Variants in TBCD observed in about 807,000 individuals in gnomAD.
TBCD encodes the protein tubulin-specific chaperone D.
In TBCD, 105 loss-of-function variants were observed where a neutral mutation model predicts 169.3. The observed-to-expected ratio is 0.62, with a 90% CI of 0.53 to 0.73. TBCD has a LOEUF of 0.73. TBCD is among the 30% of genes least tolerant of loss of function. The pLI is 0.00. For missense variants in TBCD, 1,444 were observed against 1,600.1 expected, an observed-to-expected ratio of 0.90 and a Z score of 1.66; for synonymous variants, 700 against 643.9, an observed-to-expected ratio of 1.09 and a Z score of -1.32.
At chr17:82,865,723 A>G (rs1163512680) in intron 13 of TBCD, among the ~76,000 whole-genome samples, 1 of 152,242 alleles carries the variant, frequency 6.6e-6, no homozygotes, top group African/African-American at 2.4e-5. Context: ...GCGTAACTAT[A>G]TGATGATTTT....
At chr17:82,773,141 C>T (rs981565656) in intron 6 of TBCD, among the ~76,000 whole-genome samples, 10 of 152,158 alleles carry the variant, frequency 6.6e-5, no homozygotes, top group African/African-American at 2.4e-4. Flanking sequence ...ACATTTTCCC[C>T]CTCTGCAATA....
chr17:82,753,523 C>T (rs1216376605), intron 1 of TBCD, among the ~76,000 whole-genome samples: 1 of 139,908 alleles, frequency 7.1e-6, no homozygotes, highest in Non-Finnish European at 1.5e-5. Context: ...GTGGTGCGAT[C>T]TTGGCTCACT....
intron 1 of TBCD, among the ~76,000 whole-genome samples, chr17:82,752,875 C>G (rs2047189195): frequency 6.6e-6 from 1 of 152,150 alleles, no homozygotes; most frequent in African/African-American, 2.4e-5. Flanking sequence ...CTGCTGCAAA[C>G]AAAGCGCGCC....
intron 9 of TBCD, among the ~76,000 whole-genome samples, chr17:82,803,880 G>A (rs1193122118): frequency 3.3e-5 from 5 of 150,442 alleles, no homozygotes; most frequent in African/African-American, 9.8e-5. Flanking sequence ...GGGAGACTGG[G>A]GGCTGGGGTG....
intron 13 of TBCD, among the ~76,000 whole-genome samples, chr17:82,822,226 G>A (rs777272488): frequency 9.9e-5 from 15 of 152,244 alleles, no homozygotes; most frequent in African/African-American, 2.7e-4. Context: ...AGGACACAGC[G>A]TTTCTGTGAC....
Position 82,913,983 on chromosome 17 carries a change from G to A in TBCD, c.2038+2194G>A, listed in dbSNP as rs117167566. On this transcript the variant is annotated intron_variant, in intron 23 of 38. Coordinates refer to ENST00000355528, the MANE Select transcript of TBCD (RefSeq NM_005993.5). ...GCGTGAGGCTGCATTTGCACTTAGC[G>A]GGGAGAGGGGGAATGTTGTGGGTTC... 4.7e-3 allele frequency: 714 copies of A among 152,438 alleles called. 5 individuals are homozygous for A. The highest frequency in any genetic ancestry group is 6.9e-3 in the Non-Finnish European group (469 of 68,136). 9.4% of individuals were successfully genotyped at this position (152,438 alleles called of 1,614,324 possible).
At chr17:82,780,286 C>T (rs921421016) in intron 6 of TBCD, among the ~76,000 whole-genome samples, 4 of 151,804 alleles carry the variant, frequency 2.6e-5, no homozygotes, top group Non-Finnish European at 2.9e-5. Context: ...CATGCCCTCC[C>T]GTTTCCTTCG....
intron 17 of TBCD, among the ~76,000 whole-genome samples, chr17:82,899,652 T>C (rs1329935213): frequency 6.6e-6 from 1 of 152,252 alleles, no homozygotes; most frequent in Non-Finnish European, 1.5e-5. Context: ...TTCATTTCTT[T>C]CAGATAAAGA....
At chr17:82,828,592 GCA>G (rs2053162258) in intron 13 of TBCD, among the ~76,000 whole-genome samples, 1 of 137,636 alleles carries the variant, frequency 7.3e-6, no homozygotes, top group Non-Finnish European at 1.6e-5. Flanking sequence ...ACAATTGAAT[GCA>G]CACACACCCG....
chr17:82,866,801 T>A (rs1403620255), intron 13 of TBCD, among the ~76,000 whole-genome samples: 1 of 152,224 alleles, frequency 6.6e-6, no homozygotes, highest in Non-Finnish European at 1.5e-5. Context: ...CCTCTGTGGC[T>A]CTGTCCACAG....
chr17:82,872,235 C>T (rs759407158), intron 14 of TBCD, among the ~76,000 whole-genome samples: 2 of 152,196 alleles, frequency 1.3e-5, no homozygotes, highest in Non-Finnish European at 2.9e-5. Context: ...TGCTCCTCTT[C>T]GGAGGAGAAC....
Position 82,889,826 on chromosome 17 carries a change from C to A in TBCD, c.1563+129C>A. 9.6e-7 allele frequency: 1 copy of A among 1,046,784 alleles called. No homozygotes were observed. The highest frequency in any genetic ancestry group is 1.4e-6 in the Non-Finnish European group (1 of 712,606). The allele number at this position is 1,046,784 out of a possible 1,614,324, so 64.8% of individuals were successfully genotyped here. ...GGTGTGGCTACATCAATGCCAGGGT[C>A]ATGAGTTCACTATAGGACGCACATG... On this transcript the variant is annotated intron_variant, in intron 16 of 38. Transcript: ENST00000355528. This position sits in a 1 kb window ranked among gnomAD's most constrained non-coding sequence, Gnocchi z 5.3.
chr17:82,786,397 C>T (rs940066268), intron 7 of TBCD, among the ~76,000 whole-genome samples: 3 of 152,100 alleles, frequency 2.0e-5, no homozygotes, highest in Non-Finnish European at 4.4e-5. Flanking sequence ...CAGGGGAGGC[C>T]GTTAGCCCTG....
intron 15 of TBCD, chr17:82,886,040 GAGGCCTCTT>G (rs2058684518): frequency 1.3e-5 from 2 of 152,234 alleles, no homozygotes; most frequent in African/African-American, 4.8e-5. Flanking sequence ...GTGAGGCCCT[GAGGCCTCTT>G]CAGCACCGGC....
chr17:82,812,256 G>T (rs987501252), intron 12 of TBCD, among the ~76,000 whole-genome samples: 2 of 152,130 alleles, frequency 1.3e-5, no homozygotes, highest in African/African-American at 4.8e-5. Flanking sequence ...CTTGCCCGAG[G>T]GCATCTTCTG....
At chr17:82,906,523 T>C in intron 20 of TBCD, among the ~76,000 whole-genome samples, 1 of 152,200 alleles carries the variant, frequency 6.6e-6, no homozygotes, top group African/African-American at 2.4e-5. Flanking sequence ...CAAATAATAA[T>C]AAAGCATGAA....
intron 6 of TBCD, among the ~76,000 whole-genome samples, chr17:82,774,759 A>G (rs1052144791): frequency 4.6e-5 from 7 of 152,212 alleles, no homozygotes; most frequent in African/African-American, 1.4e-4. Flanking sequence ...TTAAAACTCA[A>G]TATTGCAAAC....
intron 13 of TBCD, chr17:82,860,379 T>A: frequency 9.1e-6 from 9 of 985,480 alleles, no homozygotes; most frequent in Non-Finnish European, 9.6e-6. Context: ...CTGGCTCTTT[T>A]CCCTGTGGTG....
intron 13 of TBCD, among the ~76,000 whole-genome samples, chr17:82,818,560 AT>A (rs1164498480): frequency 6.6e-6 from 1 of 151,596 alleles, no homozygotes; most frequent in Non-Finnish European, 1.5e-5. Context: ...GAGCCTAGGA[AT>A]TTGATACCAG....
Sources: allele counts gnomAD v4.1 joint callset (sites outside exome capture counted in the v4.1 genomes callset), GRCh38; gene constraint gnomAD v4.1.1; non-coding constraint Gnocchi (gnomAD v3.1); transcripts MANE v1.5; gene names NCBI Gene and HGNC (gene_info 2026-07-23, HGNC 2026-07-21).